Variants in KAZN observed in about 807,000 individuals in gnomAD.
KAZN encodes the protein kazrin, periplakin interacting protein, also known as kazrin.
In KAZN, 40 loss-of-function variants were observed where a neutral mutation model predicts 87.4. That is an observed-to-expected ratio of 0.46 (90% confidence interval 0.36 to 0.60). The LOEUF is 0.60. Among genes scored for constraint, KAZN ranks in the 20% least tolerant of loss-of-function variants. KAZN has a pLI of 0.00. For synonymous variants in KAZN, 466 were observed against 458.3 expected (o/e 1.02, Z -0.22); for missense variants, 898 against 1,073.9 (o/e 0.84, Z 2.29).
At chr1:14,162,048 C>G (rs1434082127) in intron 1 of KAZN, among the ~76,000 whole-genome samples, 1 of 152,200 alleles carries the variant, frequency 6.6e-6, no homozygotes. Flanking sequence ...ACACCTCAGG[C>G]ATGGGTCAAC....
chr1:14,982,956 C>T (rs1176741647), intron 2 of KAZN, among the ~76,000 whole-genome samples: 1 of 152,212 alleles, frequency 6.6e-6, no homozygotes, highest in East Asian at 1.9e-4. Context: ...GGAACCTCTC[C>T]ACCTCCTCCT....
At chr1:14,991,168 A>C (rs1298815044) in intron 2 of KAZN, among the ~76,000 whole-genome samples, 2 of 151,780 alleles carry the variant, frequency 1.3e-5, no homozygotes, top group Non-Finnish European at 2.9e-5. Context: ...GCCTGGCCAA[A>C]ATGGCGAAAC....
chr1:14,908,627 G>C (rs1214285407), intron 1 of KAZN, among the ~76,000 whole-genome samples: 7 of 152,204 alleles, frequency 4.6e-5, no homozygotes, highest in Non-Finnish European at 1.0e-4. Context: ...TGAGGTGGGA[G>C]GATTGCTTGA....
rs767838472 is a variant in KAZN at position 14,599,167 on chromosome 1, C to T, written c.170C>T (p.Ser57Leu). 1.5e-6 allele frequency: 2 copies of T among 1,378,130 alleles called. No individual in the cohort carries two copies. The highest frequency in any genetic ancestry group is 3.7e-5 in the Admixed American group (1 of 26,952). The allele number at this position is 1,378,130 out of a possible 1,614,324, so 85.4% of individuals were successfully genotyped here. A position where few individuals can be genotyped will look rare whatever the true frequency, so the allele number is the denominator to read the frequency against. Residue 57 changes from serine (S) to leucine (L), a missense_variant, in exon 1 of 15, where the codon TCG becomes TTG. Physicochemically the swap from Ser to Leu is moderately radical, Grantham distance 145. Transcript: ENST00000376030. This position sits in a 1 kb window ranked among gnomAD's most constrained non-coding sequence, Gnocchi z 4.4. ...GGCCCGGGAGCCGCGGCCAGCGCCT[C>T]GGCGGCGGGGGACTCGGCGGCGACG... ...GPGPGAAASASAAGDSAATNM... is the reference protein window; with the variant it reads ...GPGPGAAASALAAGDSAATNM...
intron 2 of KAZN, among the ~76,000 whole-genome samples, chr1:14,237,334 A>C (rs1648517963): frequency 1.3e-5 from 2 of 152,178 alleles, no homozygotes; most frequent in Non-Finnish European, 2.9e-5. Flanking sequence ...ATAGCTGAGG[A>C]GTGAGCAAGG....
chr1:14,711,798 A>T lies in KAZN; in HGVS notation c.226+112575A>T, dbSNP rs1642501288. On this transcript the variant is annotated intron_variant, in intron 1 of 14. Coordinates refer to ENST00000376030, the MANE Select transcript of KAZN (RefSeq NM_201628.3). ...CGTGCTGTGACGGCAGCCACAGCTG[A>T]CACCTTGCAGCCTGTGAGAGACCCC... is the stretch of plus-strand genomic sequence containing the variant. 4.6e-5 allele frequency among the ~76,000 whole-genome samples: 7 copies of T among 152,182 alleles called. 1 individual carries two copies. In the South Asian group the frequency reaches 1.4e-3, roughly 32 times the overall value.
At chr1:14,059,396 G>A (rs1642700040) in intron 1 of KAZN, among the ~76,000 whole-genome samples, 1 of 152,182 alleles carries the variant, frequency 6.6e-6, no homozygotes, top group Non-Finnish European at 1.5e-5. Context: ...CTTGGAGTCT[G>A]ATGTCTAAGA....
chr1:14,107,383 GTTTGTTTT>G (rs1644400792), intron 1 of KAZN, among the ~76,000 whole-genome samples: 6 of 144,642 alleles, frequency 4.1e-5, no homozygotes, highest in South Asian at 4.4e-4. Flanking sequence ...TTGTTTGTTT[GTTTGTTTT>G]TTTGCCTGCT....
At chr1:14,995,650 G>T (rs1281895735) in intron 2 of KAZN, among the ~76,000 whole-genome samples, 3 of 151,496 alleles carry the variant, frequency 2.0e-5, no homozygotes, top group Non-Finnish European at 2.9e-5. Context: ...AAATAGACTG[G>T]TAACAGCTTG....
chr1:14,977,082 A>G (rs1009977589), intron 2 of KAZN, among the ~76,000 whole-genome samples: 2 of 152,090 alleles, frequency 1.3e-5, no homozygotes, highest in Non-Finnish European at 2.9e-5. Flanking sequence ...ACAAACAAAC[A>G]AAAAACTGGG....
At chr1:14,460,034 C>G (rs1667777661) in intron 2 of KAZN, among the ~76,000 whole-genome samples, 1 of 152,146 alleles carries the variant, frequency 6.6e-6, no homozygotes, top group African/African-American at 2.4e-5. Context: ...CCTTACCCAC[C>G]AGCTCCAATC....
chr1:14,505,009 G>A (rs1030295448), intron 2 of KAZN, among the ~76,000 whole-genome samples: 5 of 152,168 alleles, frequency 3.3e-5, no homozygotes, highest in East Asian at 3.8e-4. Context: ...AAATACCACC[G>A]AAAAGTGTAG....
intron 1 of KAZN, among the ~76,000 whole-genome samples, chr1:14,148,511 C>A (rs537830598): frequency 6.6e-6 from 1 of 152,088 alleles, no homozygotes; most frequent in Admixed American, 6.5e-5. Flanking sequence ...TGCTACAGTA[C>A]CCCTTTCTTG....
chr1:15,036,259 GCC>G, intron 3 of KAZN, among the ~76,000 whole-genome samples: 1 of 11,902 alleles, frequency 8.4e-5, no homozygotes, highest in African/African-American at 3.5e-4. Flanking sequence ...GCTCGCCCCA[GCC>G]CTCCCCTGCC....
At chr1:14,947,010 C>G (rs1383191051) in intron 1 of KAZN, among the ~76,000 whole-genome samples, 1 of 152,200 alleles carries the variant, frequency 6.6e-6, no homozygotes, top group Admixed American at 6.5e-5. Context: ...GGGCAAGCAG[C>G]TTCCATCTTT....
intron 2 of KAZN, among the ~76,000 whole-genome samples, chr1:14,587,634 G>A (rs1571992204): frequency 6.6e-6 from 1 of 151,670 alleles, no homozygotes; most frequent in Non-Finnish European, 1.5e-5. Flanking sequence ...AAAGGGAGGA[G>A]GTGCCGTACT....
At chr1:14,672,808 T>C (rs1639990935) in intron 1 of KAZN, among the ~76,000 whole-genome samples, 1 of 152,138 alleles carries the variant, frequency 6.6e-6, no homozygotes, top group South Asian at 2.1e-4. Context: ...CCTGACACCA[T>C]ACACCAACAG....
At chr1:14,960,403 G>A (rs1212234551) in intron 1 of KAZN, among the ~76,000 whole-genome samples, 1 of 152,128 alleles carries the variant, frequency 6.6e-6, no homozygotes, top group African/African-American at 2.4e-5. Context: ...TAAGACCGTC[G>A]GCCACCAGAG....
At chr1:14,512,665 G>T (rs1489604501) in intron 2 of KAZN, among the ~76,000 whole-genome samples, 4 of 152,172 alleles carry the variant, frequency 2.6e-5, no homozygotes, top group African/African-American at 9.7e-5. Flanking sequence ...AGTTCGCCGG[G>T]GTCACTAGAA....
Sources: gnomAD v4.1 joint callset for allele counts (sites outside exome capture counted in the v4.1 genomes callset) on GRCh38, gnomAD v4.1.1 for gene constraint, Gnocchi (gnomAD v3.1) non-coding constraint, MANE v1.5 for transcripts, NCBI Gene and HGNC (gene_info 2026-07-23, HGNC 2026-07-21) for gene names.